The following ADAM18 variants were observed in gnomAD, a reference collection of about 807,000 sequenced individuals.
ADAM18 encodes disintegrin and metalloproteinase domain-containing protein 18.
Under a neutral mutation model 94.4 loss-of-function variants are expected in ADAM18, and 117 were observed. The ratio of observed to expected loss-of-function variants is 1.24; its 90% CI spans 1.07 to 1.45. ADAM18 has a LOEUF of 1.45. Among genes scored for constraint, ADAM18 ranks in the 40% most tolerant of loss-of-function variants. ADAM18 has a pLI of 0.00. For missense variants in ADAM18, 936 were observed against 880.0 expected (o/e 1.06, Z -0.81); for synonymous variants, 327 against 291.6 (o/e 1.12, Z -1.24).
At chr8:39,651,534 C>A (rs530774557) in intron 12 of ADAM18, among the ~76,000 whole-genome samples, 63 of 152,320 alleles carry the variant, frequency 4.1e-4, no homozygotes, top group Non-Finnish European at 7.6e-4. Context: ...AAGCATTCTG[C>A]CTTCAAGCAT....
chr8:39,655,202 G>A (rs1353152204), intron 12 of ADAM18, among the ~76,000 whole-genome samples: 3 of 152,008 alleles, frequency 2.0e-5, no homozygotes, highest in Non-Finnish European at 4.4e-5. Flanking sequence ...GTTAATTTTT[G>A]TAAATGGTGA....
chr8:39,719,674 CAT>C (rs1822693261), intron 18 of ADAM18, among the ~76,000 whole-genome samples: 1 of 151,408 alleles, frequency 6.6e-6, no homozygotes, highest in African/African-American at 2.4e-5. Flanking sequence ...CGCCCAACAA[CAT>C]AGGTCATTGG....
chr8:39,664,424 G>T (rs976198871), intron 13 of ADAM18, among the ~76,000 whole-genome samples: 5 of 152,134 alleles, frequency 3.3e-5, no homozygotes, highest in African/African-American at 9.7e-5. Flanking sequence ...AGTGCCCATA[G>T]ATTTAATATG....
At chr8:39,693,459 G>T (rs1256407056) in intron 17 of ADAM18, among the ~76,000 whole-genome samples, 1 of 150,490 alleles carries the variant, frequency 6.6e-6, no homozygotes, top group African/African-American at 2.4e-5. Context: ...TTACATTTTA[G>T]TTCTTCAGCC....
intron 12 of ADAM18, among the ~76,000 whole-genome samples, chr8:39,661,008 C>A (rs1820818774): frequency 6.6e-6 from 1 of 151,688 alleles, no homozygotes; most frequent in African/African-American, 2.4e-5. Context: ...TGATGTTGAA[C>A]AATTTAATTT....
At chr8:39,692,303 G>A (rs2129580873) in intron 16 of ADAM18, among the ~76,000 whole-genome samples, 1 of 151,820 alleles carries the variant, frequency 6.6e-6, no homozygotes, top group South Asian at 2.1e-4. Context: ...TACGATGAGT[G>A]TCTCAATCCA....
intron 6 of ADAM18, among the ~76,000 whole-genome samples, chr8:39,618,734 G>T (rs116590490): frequency 6.6e-6 from 1 of 152,148 alleles, no homozygotes; most frequent in Non-Finnish European, 1.5e-5. Flanking sequence ...TGCCCCCCAT[G>T]TGTCCGTTTA....
At chr8:39,608,706 T>C (rs1031178817) in intron 3 of ADAM18, among the ~76,000 whole-genome samples, 4 of 152,030 alleles carry the variant, frequency 2.6e-5, no homozygotes, top group Admixed American at 6.6e-5. Context: ...AGACTAAGGC[T>C]TTTTGTCTCT....
rs368638211 is a variant in ADAM18 at position 39,600,990 on chromosome 8, G to A, written c.133-5317G>A. 2.6e-5 allele frequency among the ~76,000 whole-genome samples: 4 copies of A among 152,274 alleles called. No individual in the cohort carries two copies. In the East Asian group the frequency reaches 7.7e-4, roughly 29 times the overall value. On this transcript the variant is annotated intron_variant, in intron 2 of 19. Transcript: ENST00000265707. ...CACCGTTGGGCAGGTTGTACAGGAA[G>A]CATGGCTGGGGAGGCCTCAGGAAAC... is the stretch of plus-strand genomic sequence containing the variant.
chr8:39,612,230 T>C (rs901334831), intron 6 of ADAM18, among the ~76,000 whole-genome samples: 3 of 151,314 alleles, frequency 2.0e-5, no homozygotes, highest in Admixed American at 6.6e-5. Flanking sequence ...GATCAACACA[T>C]TCTGAGCAAA....
chr8:39,716,274 G>A (rs1563319001), intron 18 of ADAM18, among the ~76,000 whole-genome samples: 1 of 151,726 alleles, frequency 6.6e-6, no homozygotes, highest in African/African-American at 2.4e-5. Flanking sequence ...GTTCTTTGAA[G>A]GGTAATGTTA....
At chr8:39,589,065 TG>T (rs1463928395) in intron 2 of ADAM18, among the ~76,000 whole-genome samples, 1 of 152,170 alleles carries the variant, frequency 6.6e-6, no homozygotes, top group Non-Finnish European at 1.5e-5. Flanking sequence ...TTTTTTGGCT[TG>T]GGAGGGCTTA....
In ADAM18 at chr8:39,648,402, G is replaced by A. The variant is rs756028922; in HGVS notation, c.1105G>A (p.Val369Ile). 6.2e-7 allele frequency: 1 copy of A among 1,612,864 alleles called. No individual in the cohort carries two copies. Among genetic ancestry groups the A allele is most frequent in the South Asian group, 1.1e-5 (1 of 90,826 alleles). The change falls in exon 12 of 20, where the codon GTT (valine) becomes ATT (isoleucine). Residue 369 changes from valine to isoleucine, a missense_variant. Coordinates refer to ENST00000265707, the MANE Select transcript of ADAM18 (RefSeq NM_014237.3). ...CAGCATGCACGACTATAGATATTTT[G>A]TTTCAAAATTTGAGACTAAATGCCT... ...NCSMHDYRYF[V>I]SKFETKCLQK... is the part of the protein sequence containing the mutation.
chr8:39,628,778 G>T (rs1006173422), intron 6 of ADAM18, among the ~76,000 whole-genome samples: 2 of 151,982 alleles, frequency 1.3e-5, no homozygotes, highest in African/African-American at 4.8e-5. Context: ...TGATTTATAG[G>T]TGATAATCAT....
intron 17 of ADAM18, among the ~76,000 whole-genome samples, chr8:39,699,477 C>A (rs1199147419): frequency 6.6e-6 from 1 of 151,690 alleles, no homozygotes; most frequent in Non-Finnish European, 1.5e-5. Flanking sequence ...TTAGGATAAA[C>A]CCTCCTTAGT....
At position 39,637,679 on chromosome 8, in the gene ADAM18, C is replaced by A; in HGVS notation, c.803C>A (p.Pro268His). ...AAACGGGACTATCTCATCCTACGGCCCCATGACATAGCATACTTACTTGTG... is the reference window on the plus strand; with the variant it reads ...AAACGGGACTATCTCATCCTACGGCACCATGACATAGCATACTTACTTGTG... Reference protein sequence around the residue: ...AWKRDYLILRPHDIAYLLVYR... With the variant: ...AWKRDYLILRHHDIAYLLVYR... The change falls in exon 9 of 20, where the codon CCC (proline) becomes CAC (histidine). Residue 268 changes from proline (P) to histidine (H), a missense_variant. Transcript: ENST00000265707. The A allele has an allele frequency of 1.2e-6, 2 of 1,609,072 alleles. No homozygotes were observed. The highest frequency in any genetic ancestry group is 1.7e-6 in the Non-Finnish European group (2 of 1,177,524).
At chr8:39,687,686 T>G (rs1821645960) in intron 16 of ADAM18, among the ~76,000 whole-genome samples, 2 of 152,212 alleles carry the variant, frequency 1.3e-5, no homozygotes, top group Admixed American at 1.3e-4. Context: ...GTGTATTTAA[T>G]GTTTAGCTCC....
At chr8:39,657,919 G>A (rs1585948039) in intron 12 of ADAM18, among the ~76,000 whole-genome samples, 1 of 151,850 alleles carries the variant, frequency 6.6e-6, no homozygotes. Context: ...AACATAACAT[G>A]TCAGGAATAG....
intron 8 of ADAM18, 26 bp downstream of exon 8, chr8:39,637,361 C>T (rs371908453): frequency 1.4e-4 from 226 of 1,572,092 alleles, no homozygotes; most frequent in Non-Finnish European, 1.9e-4. Context: ...TTCACATTTC[C>T]ATTTTCATGA....
Sources: gnomAD v4.1 joint callset for allele counts (sites outside exome capture counted in the v4.1 genomes callset) on GRCh38, gnomAD v4.1.1 for gene constraint, MANE v1.5 for transcripts, NCBI Gene and HGNC (gene_info 2026-07-23, HGNC 2026-07-21) for gene names.